The following MALRD1 variants were observed in gnomAD, a reference collection of about 807,000 sequenced individuals.
MALRD1 encodes the protein MAM and LDL-receptor class A domain-containing protein 1.
A neutral mutation model predicts 242.1 loss-of-function variants in MALRD1; 247 were observed. The ratio of observed to expected loss-of-function variants is 1.02; its 90% CI spans 0.92 to 1.13. MALRD1 has a LOEUF of 1.13. MALRD1 is among the 50% of genes most tolerant of loss of function. The pLI is 0.00. For missense variants in MALRD1, 2,989 were observed against 2,533.1 expected (o/e 1.18, Z -3.86); for synonymous variants, 995 against 866.6 (o/e 1.15, Z -2.60).
chr10:19,281,672 G>T lies in MALRD1; in HGVS notation c.3257-1347G>T, dbSNP rs567042348. Reference sequence around the variant, plus strand: ...TTTTCTAACTGATTTTGAAAATTGTGATAAAAACACATAACATGGCCAGGT... The same window carrying T: ...TTTTCTAACTGATTTTGAAAATTGTTATAAAAACACATAACATGGCCAGGT... On this transcript the variant is annotated intron_variant, in intron 20 of 39. Coordinates refer to ENST00000454679, the MANE Select transcript of MALRD1 (RefSeq NM_001142308.3). Among the ~76,000 whole-genome samples the T allele has an allele frequency of 2.0e-4, 30 of 152,162 alleles. 1 individual carries two copies. In the East Asian group the frequency reaches 5.8e-3, roughly 29 times the overall value.
In MALRD1 at chr10:19,292,080, C is replaced by CAAAAAAAAAA. The variant is rs756211363; in HGVS notation, c.3419+8912_3419+8921dup. 8.0e-5 allele frequency among the ~76,000 whole-genome samples: 7 copies of CAAAAAAAAAA among 88,014 alleles called. No homozygotes were observed. In the East Asian group the frequency reaches 1.7e-3, roughly 22 times the overall value. 57.7% of individuals were successfully genotyped at this position (88,014 alleles called of 152,430 possible). On this transcript the variant is annotated intron_variant, in intron 21 of 39. Coordinates refer to ENST00000454679, the MANE Select transcript of MALRD1 (RefSeq NM_001142308.3). ...CCTGGATGACAGAGCAAGACCGTCT[C>CAAAAAAAAAA]AAAAAAAAAAAAAAAAAAAAAATCA...
chr10:19,205,118 T>C lies in MALRD1; in HGVS notation c.2431T>C (p.Phe811Leu). The change falls in exon 17 of 40, where the codon TTT becomes CTT. Residue 811 changes from phenylalanine (F) to leucine (L), a missense_variant. Physicochemically the swap from Phe to Leu is conservative, Grantham distance 22 (BLOSUM62 0). Transcript: ENST00000454679. The part of the protein sequence containing the change: ...DGVSAIDDIR[F>L]ENCTLPLPAE... ...GGTCTCAGCTATTGATGACATCCGATTTGAAAATTGTACTCTCCCTCTTCC... is the reference window on the plus strand; with the variant it reads ...GGTCTCAGCTATTGATGACATCCGACTTGAAAATTGTACTCTCCCTCTTCC... 1 of 1,550,674 alleles carries C rather than the reference T, an allele frequency of 6.4e-7. No homozygotes were observed. Among genetic ancestry groups the C allele is most frequent in the Non-Finnish European group, 8.7e-7 (1 of 1,147,008 alleles).
rs996067703 is a variant in MALRD1, at chr10:19,179,201, G to T, written c.1951+3873G>T. 1.9e-4 allele frequency among the ~76,000 whole-genome samples: 29 copies of T among 152,298 alleles called. No individual in the cohort carries two copies. In the East Asian group the frequency reaches 2.3e-3, roughly 12 times the overall value. Reference sequence around the variant, plus strand: ...ATTTGTAGAATCAAAGAGTAAAATTGTGGTAACCAGGTTCTGGGAGGAGAG... The same window carrying T: ...ATTTGTAGAATCAAAGAGTAAAATTTTGGTAACCAGGTTCTGGGAGGAGAG... On this transcript the variant is annotated intron_variant, in intron 14 of 39. Transcript: ENST00000454679.
In MALRD1 at chr10:19,238,273, A is replaced by T. The variant is rs1209189732; in HGVS notation, c.2992-19411A>T. The stretch of plus-strand genomic sequence containing the variant: ...ATATACATAATATATATTATATATA[A>T]TATGTAATATACATAATATATATTA... On this transcript the variant is annotated intron_variant, in intron 18 of 39. Coordinates refer to ENST00000454679, the MANE Select transcript of MALRD1 (RefSeq NM_001142308.3). Among the ~76,000 whole-genome samples, 4 of 76,164 alleles carry T rather than the reference A, an allele frequency of 5.3e-5. 1 individual carries two copies. The highest frequency in any genetic ancestry group is 5.3e-4 in the Admixed American group (2 of 3,770). The allele number at this position is 76,164 out of a possible 152,430, so 50.0% of individuals were successfully genotyped here. A position where few individuals can be genotyped will look rare whatever the true frequency, so the allele number is the denominator to read the frequency against.
At chr10:19,210,580 CT>C (rs34514214) in intron 18 of MALRD1, among the ~76,000 whole-genome samples, 1 of 152,324 alleles carries the variant, frequency 6.6e-6, no homozygotes, top group Non-Finnish European at 1.5e-5. Flanking sequence ...CCTGGCTAAA[CT>C]TTTTTTGCAT....
At chr10:19,211,857 G>A (rs1480187944) in intron 18 of MALRD1, among the ~76,000 whole-genome samples, 2 of 152,018 alleles carry the variant, frequency 1.3e-5, no homozygotes, top group African/African-American at 4.8e-5. Flanking sequence ...TATGGTAGAT[G>A]GAATTACCAG....
intron 31 of MALRD1, among the ~76,000 whole-genome samples, chr10:19,518,969 G>A (rs1833760983): frequency 6.6e-6 from 1 of 152,132 alleles, no homozygotes; most frequent in Admixed American, 6.5e-5. Context: ...ATGCTGTTTG[G>A]TGTATGTAAT....
chr10:19,400,570 T>C (rs905834080), intron 28 of MALRD1, among the ~76,000 whole-genome samples: 9 of 152,104 alleles, frequency 5.9e-5, no homozygotes, highest in African/African-American at 2.2e-4. Context: ...GAATGAAAGA[T>C]TGAATGTACA....
At chr10:19,442,052 C>A (rs1392931406) in intron 28 of MALRD1, among the ~76,000 whole-genome samples, 1 of 152,104 alleles carries the variant, frequency 6.6e-6, no homozygotes, top group Non-Finnish European at 1.5e-5. Context: ...CCTTCACAAA[C>A]CTTGTAAGTT....
Position 19,090,431 on chromosome 10 carries a change from T to C in MALRD1, c.597+2246T>C, listed in dbSNP as rs1480069996. ...TAAGAATGCTTGTGATTTTTGTACA[T>C]TGATTTTGTATCCTGAGACTTTGCT... On this transcript the variant is annotated intron_variant, in intron 4 of 39. Coordinates refer to ENST00000454679, the MANE Select transcript of MALRD1 (RefSeq NM_001142308.3). 7.5e-3 allele frequency among the ~76,000 whole-genome samples: 417 copies of C among 55,562 alleles called. 2 individuals carry two copies. Among genetic ancestry groups the C allele is most frequent in the Non-Finnish European group, 0.011 (332 of 31,050 alleles). The allele number at this position is 55,562 out of a possible 152,430, so 36.5% of individuals were successfully genotyped here. A position where few individuals can be genotyped will look rare whatever the true frequency, so the allele number is the denominator to read the frequency against.
rs147355507 is a variant in MALRD1, at chr10:19,607,577, C to A, written c.5945-200C>A. On this transcript the variant is annotated intron_variant, in intron 34 of 39. Coordinates refer to ENST00000454679, the MANE Select transcript of MALRD1 (RefSeq NM_001142308.3). Reference sequence around the variant, plus strand: ...CACATCTGCGAAGTGATTTTTCAGGCAAATGTGGTTTTTCTTTCAGACATT... The same window carrying A: ...CACATCTGCGAAGTGATTTTTCAGGAAAATGTGGTTTTTCTTTCAGACATT... Among the ~76,000 whole-genome samples the A allele has an allele frequency of 2.6e-3, 391 of 152,178 alleles. 6 individuals are homozygous for A. In the East Asian group the frequency reaches 0.058, roughly 23 times the overall value.
At chr10:19,585,080 A>G (rs1837319034) in intron 33 of MALRD1, among the ~76,000 whole-genome samples, 1 of 151,982 alleles carries the variant, frequency 6.6e-6, no homozygotes, top group South Asian at 2.1e-4. Context: ...TTTGTTTGGT[A>G]GATCTTCCTC....
intron 18 of MALRD1, among the ~76,000 whole-genome samples, chr10:19,216,191 C>A (rs1837309390): frequency 6.8e-6 from 1 of 147,276 alleles, no homozygotes; most frequent in Admixed American, 6.9e-5. Flanking sequence ...GATCTCAGCT[C>A]ACTGCAACCT....
At chr10:19,509,455 A>C (rs916192067) in intron 31 of MALRD1, among the ~76,000 whole-genome samples, 2 of 152,158 alleles carry the variant, frequency 1.3e-5, no homozygotes, top group Non-Finnish European at 2.9e-5. Flanking sequence ...CTAGGAACTC[A>C]AAGTACAAAG....
chr10:19,335,186 T>C (rs1843551345), intron 24 of MALRD1, among the ~76,000 whole-genome samples: 2 of 97,544 alleles, frequency 2.1e-5, no homozygotes, highest in African/African-American at 4.5e-5. Context: ...TGTTCTGTTT[T>C]TTTTTGTTTT....
chr10:19,462,142 C>T (rs568880995), intron 29 of MALRD1, among the ~76,000 whole-genome samples: 229 of 152,272 alleles, frequency 1.5e-3, no homozygotes, highest in African/African-American at 4.5e-3. Flanking sequence ...TTCACTATGT[C>T]TTATTTTCTG....
chr10:19,424,379 C>T (rs970206764), intron 28 of MALRD1, among the ~76,000 whole-genome samples: 44 of 152,246 alleles, frequency 2.9e-4, no homozygotes, highest in African/African-American at 9.6e-4. Context: ...AGTCTGGTCT[C>T]GATCTCCTGA....
At chr10:19,473,180 A>T (rs1211750659) in intron 29 of MALRD1, among the ~76,000 whole-genome samples, 1 of 135,610 alleles carries the variant, frequency 7.4e-6, no homozygotes, top group African/African-American at 2.8e-5. Flanking sequence ...ACATTTCTTA[A>T]ATGTGAAATT....
intron 38 of MALRD1, among the ~76,000 whole-genome samples, chr10:19,702,533 G>C (rs967181985): frequency 6.6e-6 from 1 of 152,116 alleles, no homozygotes; most frequent in African/African-American, 2.4e-5. Context: ...GGGATTGTAT[G>C]CATAATTTGT....
Sources: gnomAD v4.1 joint callset for allele counts (sites outside exome capture counted in the v4.1 genomes callset) on GRCh38, gnomAD v4.1.1 for gene constraint, MANE v1.5 for transcripts, NCBI Gene and HGNC (gene_info 2026-07-23, HGNC 2026-07-21) for gene names.